Variants in PTK2B observed in about 807,000 individuals in gnomAD.
PTK2B encodes the protein protein tyrosine kinase 2 beta, also known as protein-tyrosine kinase 2-beta.
In PTK2B, 71 loss-of-function variants were observed where a neutral mutation model predicts 142.9. The ratio of observed to expected loss-of-function variants is 0.50; its 90% CI spans 0.41 to 0.61. The LOEUF is 0.61. Ranked by LOEUF, PTK2B falls within the 20% of genes least tolerant of loss-of-function variation. The pLI is 0.00. For synonymous variants in PTK2B, 519 were observed against 503.4 expected (o/e 1.03, Z -0.42); for missense variants, 1,105 against 1,320.4 (o/e 0.84, Z 2.53).
chr8:27,397,611 T>C lies in PTK2B; in HGVS notation c.27T>C (p.Ser9=), dbSNP rs1045510. 676,184 of 1,612,642 alleles carry C rather than the reference T, an allele frequency of 0.42. 145,179 individuals are homozygous for C. Among genetic ancestry groups the C allele is most frequent in the Middle Eastern group, 0.5 (2,930 of 5,916 alleles). ...TGTCTGGGGTGTCCGAGCCCCTGAG[T>C]CGAGTAAAGTTGGGCACGTTACGCC... is the stretch of plus-strand genomic sequence containing the variant. MSGVSEPL[S]RVKLGTLRRP... Residue 9 remains serine, a synonymous_variant, in exon 2 of 31, where the codon AGT becomes AGC. Coordinates refer to ENST00000346049, the MANE Select transcript of PTK2B (RefSeq NM_173176.3).
intron 2 of PTK2B, among the ~76,000 whole-genome samples, chr8:27,419,496 G>A (rs1563269777): frequency 6.6e-6 from 1 of 152,124 alleles, no homozygotes. Context: ...GTCTGCAAAG[G>A]GCCTAGCAGT....
chr8:27,315,421 G>A (rs1186034336), intron 3 of PTK2B, among the ~76,000 whole-genome samples: 1 of 152,080 alleles, frequency 6.6e-6, no homozygotes, highest in Non-Finnish European at 1.5e-5. Context: ...TAACCTTAGA[G>A]GCAATATCCA....
intron 1 of PTK2B, among the ~76,000 whole-genome samples, chr8:27,381,935 T>G (rs914367402): frequency 2.0e-5 from 3 of 152,246 alleles, no homozygotes; most frequent in Non-Finnish European, 4.4e-5. Flanking sequence ...TTCATTTATC[T>G]GTTGGCCATT....
At chr8:27,332,341 CTG>C (rs1031235008) in intron 1 of PTK2B, among the ~76,000 whole-genome samples, 20 of 152,314 alleles carry the variant, frequency 1.3e-4, no homozygotes, top group African/African-American at 4.3e-4. Flanking sequence ...AAATACTTGA[CTG>C]TGTGAAAATC....
At chr8:27,341,440 G>A (rs80318479) in intron 1 of PTK2B, among the ~76,000 whole-genome samples, 2,538 of 152,284 alleles carry the variant, frequency 0.017, 33 homozygotes, top group Non-Finnish European at 0.024. Context: ...CTGTGGAAAT[G>A]AGGGGCATCA....
intron 4 of PTK2B, among the ~76,000 whole-genome samples, chr8:27,421,907 C>A (rs1809779529): frequency 6.6e-6 from 1 of 152,242 alleles, no homozygotes; most frequent in Non-Finnish European, 1.5e-5. Flanking sequence ...AGATCTCCCT[C>A]CTGGTTTGCC....
At chr8:27,373,667 GC>G (rs1259248654) in intron 1 of PTK2B, among the ~76,000 whole-genome samples, 7 of 152,018 alleles carry the variant, frequency 4.6e-5, no homozygotes, top group South Asian at 2.1e-4. Context: ...GGGTGACACA[GC>G]AAGACTCTGT....
intron 11 of PTK2B, 63 bp from the exon 12 acceptor site, chr8:27,434,030 C>T (rs1810611416): frequency 6.4e-7 from 1 of 1,556,370 alleles, no homozygotes; most frequent in Non-Finnish European, 8.9e-7. Context: ...GTGAGGAGGT[C>T]AGTCACCCAT....
intron 1 of PTK2B, among the ~76,000 whole-genome samples, chr8:27,351,282 G>C (rs1179225889): frequency 6.6e-6 from 1 of 151,508 alleles, no homozygotes; most frequent in Non-Finnish European, 1.5e-5. Flanking sequence ...AGAATAGAAA[G>C]TCATGGAATC....
rs1810771112 is a variant in PTK2B at position 27,436,278 on chromosome 8, A to T, written c.1271A>T (p.Asp424Val). ...CCACAGTATGGCATTGCCCGTGAAG[A>T]TGTGGTCCTGAATCGTATTCTTGGG... ...GGPQYGIARE[D>V]VVLNRILGEG... The change falls in exon 15 of 31, where the codon GAT becomes GTT. Residue 424 changes from aspartate to valine, a missense_variant. By Grantham distance (152) the Asp-to-Val change is radical (BLOSUM62 -3). Transcript: ENST00000346049. The T allele has an allele frequency of 6.2e-7, 1 of 1,614,002 alleles. No individual in the cohort carries two copies. The highest frequency in any genetic ancestry group is 1.3e-5 in the African/African-American group (1 of 74,906).
chr8:27,313,100 G>GT (rs1335079642), intron 2 of PTK2B: 5 of 152,302 alleles, frequency 3.3e-5, no homozygotes, highest in Admixed American at 6.5e-5. Context: ...CACAGGGGTG[G>GT]TTTTCCCCCC....
Position 27,374,423 on chromosome 8 carries a change from C to G in PTK2B, c.-37-23125C>G, listed in dbSNP as rs915929113. Reference sequence around the variant, plus strand: ...AGGAGTCCCAGCACACCACATAGGGCCCCGTGGGGCAGCACAGGTGGGTCA... The same window carrying G: ...AGGAGTCCCAGCACACCACATAGGGGCCCGTGGGGCAGCACAGGTGGGTCA... On this transcript the variant is annotated intron_variant, in intron 1 of 30. Transcript: ENST00000346049. Among the ~76,000 whole-genome samples the G allele has an allele frequency of 3.3e-5, 5 of 152,212 alleles. No homozygotes were observed. The East Asian group carries it at 7.7e-4, about 23-fold the overall frequency.
rs185719609 is a variant in PTK2B at position 27,371,061 on chromosome 8, A to G, written c.-37-26487A>G. On this transcript the variant is annotated intron_variant, in intron 1 of 30. Coordinates refer to ENST00000346049, the MANE Select transcript of PTK2B (RefSeq NM_173176.3). ...CAGGTGCTCGCCACCACACCTAGCT[A>G]ATTTTTATATTTTTAGTAGAGACCA... 2.2e-3 allele frequency among the ~76,000 whole-genome samples: 336 copies of G among 152,078 alleles called. 4 individuals are homozygous for G. The highest frequency in any genetic ancestry group is 0.021 in the South Asian group (99 of 4,818).
chr8:27,314,462 C>G (rs1320336548), intron 3 of PTK2B, among the ~76,000 whole-genome samples: 1 of 152,206 alleles, frequency 6.6e-6, no homozygotes, highest in African/African-American at 2.4e-5. Context: ...CGCCTATAGC[C>G]TGAGGCAGGA....
At chr8:27,451,863 G>A (rs1811841339) in intron 27 of PTK2B, 10 of 743,024 alleles carry the variant, frequency 1.3e-5, no homozygotes, top group African/African-American at 3.8e-5. Flanking sequence ...CCACCTGCCT[G>A]TCCCAGTTCA....
chr8:27,458,209 T>C (rs1879183), intron 30 of PTK2B, 85 bp from the exon 31 acceptor site: 1,152,046 of 1,356,982 alleles, frequency 0.85, 491,919 homozygotes, highest in Middle Eastern at 0.93. Flanking sequence ...TTGGCCAGCA[T>C]GCAGGTGGAC....
At chr8:27,349,183 A>G (rs1804893604) in intron 1 of PTK2B, among the ~76,000 whole-genome samples, 1 of 152,254 alleles carries the variant, frequency 6.6e-6, no homozygotes, top group Non-Finnish European at 1.5e-5. Flanking sequence ...CTGAGAAAAC[A>G]ACAGAGAAGG....
At chr8:27,446,356 C>T (rs758237960) in intron 24 of PTK2B, among the ~76,000 whole-genome samples, 2 of 152,122 alleles carry the variant, frequency 1.3e-5, no homozygotes, top group African/African-American at 2.4e-5. Context: ...GTGGCTGCTC[C>T]CCTTTCTGCT....
At chr8:27,398,714 T>C (rs1808209099) in intron 2 of PTK2B, among the ~76,000 whole-genome samples, 1 of 152,200 alleles carries the variant, frequency 6.6e-6, no homozygotes, top group Non-Finnish European at 1.5e-5. Context: ...TCTGAGGACA[T>C]GGGATGAGCC....
Sources: allele counts gnomAD v4.1 joint callset (sites outside exome capture counted in the v4.1 genomes callset), GRCh38; gene constraint gnomAD v4.1.1; transcripts MANE v1.5; gene names NCBI Gene and HGNC (gene_info 2026-07-23, HGNC 2026-07-21).